TUSC3: variants seen among roughly 807,000 people sequenced by gnomAD.
TUSC3 encodes the protein tumor suppressor candidate 3.
TUSC3 carries 45 observed loss-of-function variants against 44.8 expected under a neutral mutation model. The observed-to-expected ratio is 1.00, with a 90% CI of 0.79 to 1.29. The LOEUF (loss-of-function observed/expected upper bound fraction) is 1.29. Ranked by LOEUF, TUSC3 falls within the 50% of genes most tolerant of loss-of-function variation. TUSC3 has a pLI of 0.00. For synonymous variants in TUSC3, 212 were observed against 152.9 expected (o/e 1.39, Z -2.85); for missense variants, 519 against 437.9 (o/e 1.19, Z -1.65).
chr8:15,428,066 C>T (rs111356739), intron 1 of TUSC3, among the ~76,000 whole-genome samples: 19,916 of 148,850 alleles, frequency 0.13, 1,479 homozygotes, highest in Middle Eastern at 0.22. Context: ...TGTGCTGCAC[C>T]CATTAACTCG....
At chr8:15,786,860 C>T in the TUSC3 span, among the ~76,000 whole-genome samples, 282 of 142,162 alleles carry the variant, frequency 2.0e-3, no homozygotes, top group African/African-American at 6.9e-3. Context: ...AGGAAAATGG[C>T]GTGAACCCAG....
intron 1 of TUSC3, among the ~76,000 whole-genome samples, chr8:15,547,883 A>G (rs1434703933): frequency 1.3e-5 from 2 of 151,790 alleles, no homozygotes; most frequent in African/African-American, 4.8e-5. Context: ...CTTGGTAGGT[A>G]TCTTTACACG....
chr8:15,568,510 T>C (rs1166756021), intron 1 of TUSC3, among the ~76,000 whole-genome samples: 2 of 152,202 alleles, frequency 1.3e-5, no homozygotes, highest in Non-Finnish European at 2.9e-5. Context: ...TTATGTCATT[T>C]GTGATTTAAG....
intron 1 of TUSC3, among the ~76,000 whole-genome samples, chr8:15,540,913 T>C (rs1037938137): frequency 6.6e-6 from 1 of 152,250 alleles, no homozygotes; most frequent in Non-Finnish European, 1.5e-5. Context: ...TGGAAGTATT[T>C]ATAAGCCTGC....
At chr8:15,667,379 A>G (rs1331877777) in intron 5 of TUSC3, among the ~76,000 whole-genome samples, 1 of 151,738 alleles carries the variant, frequency 6.6e-6, no homozygotes, top group Non-Finnish European at 1.5e-5. Flanking sequence ...AAAATGAACA[A>G]TAAATAATTC....
intron 2 of TUSC3, among the ~76,000 whole-genome samples, chr8:15,529,814 G>T (rs1403037097): frequency 9.2e-6 from 1 of 108,420 alleles, no homozygotes; most frequent in African/African-American, 3.9e-5. Context: ...TTTTTGAGAC[G>T]GAGTCTCGCT....
the TUSC3 span, among the ~76,000 whole-genome samples, chr8:15,805,927 A>T: frequency 6.6e-6 from 1 of 152,166 alleles, no homozygotes; most frequent in East Asian, 1.9e-4. Context: ...GTATGTTTGA[A>T]TTATGGTTTG....
intron 2 of TUSC3, among the ~76,000 whole-genome samples, chr8:15,485,292 T>G (rs539289610): frequency 6.6e-6 from 1 of 152,342 alleles, no homozygotes; most frequent in South Asian, 2.1e-4. Flanking sequence ...ACCTGTGTTC[T>G]ATTAGAATTT....
chr8:15,765,373 A>T lies in TUSC3; in HGVS notation c.*1217A>T, dbSNP rs1812299042. 1 of 151,926 alleles carries T rather than the reference A, an allele frequency of 6.6e-6. No homozygotes were observed. The highest frequency in any genetic ancestry group is 1.9e-4 in the East Asian group (1 of 5,160). The allele number at this position is 151,926 out of a possible 1,614,324, so 9.4% of individuals were successfully genotyped here. A position where few individuals can be genotyped will look rare whatever the true frequency, so the allele number is the denominator to read the frequency against. ...AATAAGTGTTTGCTTTTTGTTTTTA[A>T]GGTTTGTTATCTAATTTTCATTAAG... On this transcript the variant is annotated 3_prime_UTR_variant, in exon 11 of 11. Transcript: ENST00000503731.
chr8:15,584,834 C>G (rs1453876020), intron 1 of TUSC3, among the ~76,000 whole-genome samples: 1 of 151,826 alleles, frequency 6.6e-6, no homozygotes, highest in Non-Finnish European at 1.5e-5. Flanking sequence ...GTACAGGGTT[C>G]TATTGGGATT....
At chr8:15,794,561 G>A in the TUSC3 span, among the ~76,000 whole-genome samples, 1 of 152,152 alleles carries the variant, frequency 6.6e-6, no homozygotes, top group South Asian at 2.1e-4. Flanking sequence ...TTCCTTGTTA[G>A]AGATAAAGGA....
chr8:15,573,544 C>G (rs1000649668), intron 1 of TUSC3, among the ~76,000 whole-genome samples: 8 of 151,980 alleles, frequency 5.3e-5, no homozygotes, highest in Non-Finnish European at 1.2e-4. Flanking sequence ...CAGATGGTCT[C>G]TCCTTCCCCC....
At chr8:15,484,192 A>G (rs1177864182) in intron 2 of TUSC3, among the ~76,000 whole-genome samples, 1 of 151,948 alleles carries the variant, frequency 6.6e-6, no homozygotes, top group Non-Finnish European at 1.5e-5. Flanking sequence ...GATTTTTAAT[A>G]TTTACATGCA....
At chr8:15,419,916 T>C (rs544722261) in intron 1 of TUSC3, among the ~76,000 whole-genome samples, 5 of 152,188 alleles carry the variant, frequency 3.3e-5, no homozygotes, top group Non-Finnish European at 5.9e-5. Context: ...TATAAATCTT[T>C]ATTCTTAGAT....
intron 2 of TUSC3, among the ~76,000 whole-genome samples, chr8:15,624,026 A>G (rs1364522371): frequency 6.6e-6 from 1 of 152,092 alleles, no homozygotes; most frequent in East Asian, 1.9e-4. Flanking sequence ...CTCCATTTCT[A>G]TAATTTTGTC....
At chr8:15,570,085 C>T (rs1334700300) in intron 1 of TUSC3, among the ~76,000 whole-genome samples, 1 of 151,756 alleles carries the variant, frequency 6.6e-6, no homozygotes, top group African/African-American at 2.4e-5. Flanking sequence ...TAAAAGATTC[C>T]CACATTATTA....
chr8:15,443,443 C>T (rs1800048622), intron 1 of TUSC3, among the ~76,000 whole-genome samples: 1 of 149,656 alleles, frequency 6.7e-6, no homozygotes, highest in Non-Finnish European at 1.5e-5. Flanking sequence ...GAGTGATCTG[C>T]CTGCCTCAGC....
chr8:15,674,064 A>G (rs1365672113), intron 6 of TUSC3, among the ~76,000 whole-genome samples: 1 of 152,046 alleles, frequency 6.6e-6, no homozygotes, highest in African/African-American at 2.4e-5. Flanking sequence ...TAAAAAATTA[A>G]TATCTACCAT....
chr8:15,694,573 G>T (rs1478586384), intron 6 of TUSC3, among the ~76,000 whole-genome samples: 1 of 151,962 alleles, frequency 6.6e-6, no homozygotes, highest in Non-Finnish European at 1.5e-5. Context: ...TGTCCCTTCA[G>T]TCTTAGAAGT....
Sources: gnomAD v4.1 joint callset for allele counts (sites outside exome capture counted in the v4.1 genomes callset) on GRCh38, gnomAD v4.1.1 for gene constraint, MANE v1.5 for transcripts, NCBI Gene and HGNC (gene_info 2026-07-23, HGNC 2026-07-21) for gene names.